Variants in MYT1L observed in about 807,000 individuals in gnomAD.
MYT1L encodes myelin transcription factor 1 like.
MYT1L carries 12 observed loss-of-function variants against 126.7 expected under a neutral mutation model. That is an observed-to-expected ratio of 0.09 (90% CI 0.06 to 0.15). MYT1L has a LOEUF of 0.15. Ranked by LOEUF, MYT1L falls within the 10% of genes least tolerant of loss-of-function variation. MYT1L has a pLI of 1.00. For missense variants in MYT1L, 979 were observed against 1,585.2 expected (o/e 0.62, Z 6.49); for synonymous variants, 541 against 604.2 (o/e 0.90, Z 1.53).
In MYT1L at chr2:1,979,645, G is replaced by T; in HGVS notation, c.55+78C>A. 1 of 1,601,556 alleles carries T rather than the reference G, an allele frequency of 6.2e-7. No individual in the cohort carries two copies. The highest frequency in any genetic ancestry group is 8.6e-7 in the Non-Finnish European group (1 of 1,168,858). On this transcript the variant is annotated intron_variant, in intron 6 of 24. Transcript: ENST00000647738. This position sits in a 1 kb window ranked among gnomAD's most constrained non-coding sequence, Gnocchi z 4.0. ...TTACCAAAAGGGTGGCATGAAAGTG[G>T]GGTCAGAATCGACCTCAGTTCCGCA...
chr2:1,875,266 A>G (rs2046766533), intron 18 of MYT1L, among the ~76,000 whole-genome samples: 1 of 152,054 alleles, frequency 6.6e-6, no homozygotes, highest in African/African-American at 2.4e-5. Context: ...GGACCTTTAG[A>G]GAGTCGCACA....
chr2:2,245,875 G>T (rs557014149), intron 2 of MYT1L, among the ~76,000 whole-genome samples: 68 of 152,332 alleles, frequency 4.5e-4, no homozygotes, highest in African/African-American at 1.6e-3. Context: ...TGAACATGGA[G>T]GCTGGGGCTA....
intron 1 of MYT1L, among the ~76,000 whole-genome samples, chr2:2,294,850 C>T (rs1319595779): frequency 6.6e-6 from 1 of 152,148 alleles, no homozygotes; most frequent in African/African-American, 2.4e-5. Context: ...CATTATACTA[C>T]ATTATATTAT....
chr2:2,204,715 G>A (rs1379141508), intron 2 of MYT1L, among the ~76,000 whole-genome samples: 1 of 151,468 alleles, frequency 6.6e-6, no homozygotes, highest in Non-Finnish European at 1.5e-5. Flanking sequence ...GATTCCTCAG[G>A]GATCTAGAAC....
At chr2:2,251,459 G>C (rs576929927) in intron 2 of MYT1L, among the ~76,000 whole-genome samples, 191 of 152,258 alleles carry the variant, frequency 1.3e-3, no homozygotes, top group African/African-American at 4.5e-3. Context: ...TCCAGGTGCA[G>C]AAACCTGGCA....
At chr2:1,808,892 C>T (rs999295490) in intron 22 of MYT1L, among the ~76,000 whole-genome samples, 184 bp downstream of exon 22, 6 of 152,136 alleles carry the variant, frequency 3.9e-5, no homozygotes, top group African/African-American at 1.4e-4. Flanking sequence ...AGGTGGGAGA[C>T]GGTTTTGAGA....
At position 1,910,125 on chromosome 2, in the gene MYT1L, T is replaced by C; in HGVS notation, c.1817+115A>G. 1 of 961,090 alleles carries C rather than the reference T, an allele frequency of 1.0e-6. No homozygotes were observed. The highest frequency in any genetic ancestry group is 1.6e-6 in the Non-Finnish European group (1 of 636,686). The allele number at this position is 961,090 out of a possible 1,614,324, so 59.5% of individuals were successfully genotyped here. A position where few individuals can be genotyped will look rare whatever the true frequency, so the allele number is the denominator to read the frequency against. On this transcript the variant is annotated intron_variant, in intron 13 of 24. Transcript: ENST00000647738. The surrounding 1 kb of genome is among the most constrained non-coding windows in gnomAD (Gnocchi z 4.8). ...CCCGGCTTCCAGCACAGCCCCGCCC[T>C]CCAGTCCCTGCCCCTGCTGCTGTAG...
intron 3 of MYT1L, among the ~76,000 whole-genome samples, chr2:2,109,404 C>T (rs1029484860): frequency 3.9e-5 from 6 of 152,072 alleles, no homozygotes; most frequent in African/African-American, 1.2e-4. Flanking sequence ...GAAGGGGAGC[C>T]GGATGGGCGC....
intron 18 of MYT1L, among the ~76,000 whole-genome samples, chr2:1,876,580 T>C (rs1165609426): frequency 1.3e-5 from 2 of 151,758 alleles, no homozygotes; most frequent in East Asian, 3.9e-4. Context: ...TCTGGGTGAC[T>C]CTCCTGGATG....
intron 3 of MYT1L, among the ~76,000 whole-genome samples, chr2:2,152,499 G>A (rs2085972026): frequency 1.3e-5 from 2 of 152,206 alleles, no homozygotes; most frequent in Non-Finnish European, 2.9e-5. Context: ...CTCAGTCTGA[G>A]GGAGGGGCAG....
chr2:1,805,683 T>C (rs2035585687), intron 22 of MYT1L, among the ~76,000 whole-genome samples: 1 of 152,126 alleles, frequency 6.6e-6, no homozygotes, highest in Admixed American at 6.5e-5. Flanking sequence ...CTCAGGAGTT[T>C]GAGAGCAGCC....
intron 2 of MYT1L, among the ~76,000 whole-genome samples, chr2:2,183,415 G>A (rs1045304070): frequency 7.3e-4 from 111 of 152,244 alleles, no homozygotes; most frequent in Middle Eastern, 3.4e-3. Context: ...GAAGAGAGAA[G>A]GAGCCTGGAA....
At chr2:2,298,299 T>C (rs2095728812) in intron 1 of MYT1L, among the ~76,000 whole-genome samples, 1 of 152,238 alleles carries the variant, frequency 6.6e-6, no homozygotes, top group African/African-American at 2.4e-5. Context: ...AGAGACATGC[T>C]AGAAGTACAA....
intron 21 of MYT1L, among the ~76,000 whole-genome samples, chr2:1,835,018 G>A (rs1447533815): frequency 8.1e-6 from 1 of 123,986 alleles, no homozygotes; most frequent in Admixed American, 7.5e-5. Flanking sequence ...CACATACCAC[G>A]GGGATGGATA....
intron 3 of MYT1L, among the ~76,000 whole-genome samples, chr2:2,155,741 C>T (rs1012154141): frequency 2.0e-5 from 3 of 152,188 alleles, no homozygotes; most frequent in Non-Finnish European, 2.9e-5. Flanking sequence ...GGATGCTGGA[C>T]GTCCTCATGG....
At chr2:2,268,365 A>T (rs1330762566) in intron 2 of MYT1L, among the ~76,000 whole-genome samples, 1 of 152,206 alleles carries the variant, frequency 6.6e-6, no homozygotes. Context: ...ACATGGGGGA[A>T]CAGAGTGGAA....
chr2:2,274,549 TTTTGTTTCAGGAGA>T (rs1484875379), intron 2 of MYT1L, among the ~76,000 whole-genome samples: 5 of 152,324 alleles, frequency 3.3e-5, no homozygotes, highest in Non-Finnish European at 4.4e-5. Flanking sequence ...TATTGGAAGA[TTTTGTTTCAGGAGA>T]TTTGGGCTTG....
intron 5 of MYT1L, among the ~76,000 whole-genome samples, chr2:1,996,969 G>A (rs1404405311): frequency 3.4e-5 from 5 of 147,382 alleles, no homozygotes; most frequent in Non-Finnish European, 6.0e-5. Flanking sequence ...GCACAGAACC[G>A]AGTGTAGACG....
intron 3 of MYT1L, among the ~76,000 whole-genome samples, chr2:2,156,419 G>A (rs769794206): frequency 1.3e-5 from 2 of 152,206 alleles, no homozygotes; most frequent in Admixed American, 6.5e-5. Context: ...TAAAGTCAAC[G>A]TAGCTGCCAG....
Sources: allele counts gnomAD v4.1 joint callset (sites outside exome capture counted in the v4.1 genomes callset), GRCh38; gene constraint gnomAD v4.1.1; non-coding constraint Gnocchi (gnomAD v3.1); transcripts MANE v1.5; gene names NCBI Gene and HGNC (gene_info 2026-07-23, HGNC 2026-07-21).